Variants in CA10 observed in about 807,000 individuals in gnomAD.
The protein encoded by CA10 is carbonic anhydrase-related protein 10.
Under a neutral mutation model 44.2 loss-of-function variants are expected in CA10, and 14 were observed. The observed-to-expected ratio is 0.32, with a 90% CI of 0.21 to 0.50. The LOEUF (loss-of-function observed/expected upper bound fraction) is 0.50, where lower values mean the gene tolerates loss of function less well. Ranked by LOEUF, CA10 falls within the 20% of genes least tolerant of loss-of-function variation. The pLI is 0.99. For synonymous variants in CA10, 159 were observed against 141.6 expected (o/e 1.12, Z -0.87); for missense variants, 350 against 409.7 (o/e 0.85, Z 1.26).
chr17:51,916,132 G>A (rs1257398832), intron 3 of CA10, among the ~76,000 whole-genome samples: 2 of 28,366 alleles, frequency 7.1e-5, no homozygotes, highest in Admixed American at 4.6e-4. Context: ...TGCATGCTAC[G>A]CTGCTGGAAA....
intron 3 of CA10, among the ~76,000 whole-genome samples, chr17:51,766,053 T>C (rs762537177): frequency 1.4e-4 from 22 of 152,084 alleles, no homozygotes; most frequent in Non-Finnish European, 2.6e-4. Flanking sequence ...TGCTCGGAAG[T>C]AAGCAATGGT....
intron 2 of CA10, among the ~76,000 whole-genome samples, chr17:51,935,099 C>T (rs907888185): frequency 3.9e-5 from 6 of 152,106 alleles, no homozygotes; most frequent in Admixed American, 2.6e-4. Context: ...ATCCAAGGTT[C>T]TGATACTTAA....
At chr17:51,764,706 C>T (rs576073862) in intron 3 of CA10, among the ~76,000 whole-genome samples, 43 of 152,296 alleles carry the variant, frequency 2.8e-4, no homozygotes, top group African/African-American at 9.4e-4. Flanking sequence ...AGAATCGACC[C>T]TGAGGATGCT....
chr17:51,888,376 C>A (rs1980707781), intron 3 of CA10, among the ~76,000 whole-genome samples: 1 of 152,154 alleles, frequency 6.6e-6, no homozygotes, highest in South Asian at 2.1e-4. Flanking sequence ...AAGCGGTACA[C>A]CATGCCATTG....
At chr17:52,087,164 A>C (rs1173735045) in intron 1 of CA10, among the ~76,000 whole-genome samples, 1 of 152,170 alleles carries the variant, frequency 6.6e-6, no homozygotes, top group Non-Finnish European at 1.5e-5. Context: ...TTTTTGAGAC[A>C]AAGTCTTGCT....
intron 3 of CA10, among the ~76,000 whole-genome samples, chr17:51,886,034 G>A (rs1397543705): frequency 1.3e-5 from 2 of 152,216 alleles, no homozygotes; most frequent in Admixed American, 1.3e-4. Flanking sequence ...AGAGAGTGCA[G>A]AGAGATTAGC....
intron 3 of CA10, among the ~76,000 whole-genome samples, chr17:51,906,322 C>T (rs1334469348): frequency 6.6e-6 from 1 of 152,070 alleles, no homozygotes; most frequent in Non-Finnish European, 1.5e-5. Flanking sequence ...TCAATGATTT[C>T]TGTCTTGCTA....
intron 4 of CA10, among the ~76,000 whole-genome samples, chr17:51,723,122 G>A (rs902208588): frequency 6.6e-6 from 1 of 152,200 alleles, no homozygotes; most frequent in African/African-American, 2.4e-5. Flanking sequence ...GATGCTGCCT[G>A]CTTCCCATGT....
chr17:51,787,860 A>C (rs984177525), intron 3 of CA10, among the ~76,000 whole-genome samples: 8 of 151,858 alleles, frequency 5.3e-5, no homozygotes, highest in African/African-American at 1.9e-4. Context: ...TTTTTTTCTT[A>C]GTCTGCCTAG....
At chr17:51,854,533 T>C (rs1040981413) in intron 3 of CA10, among the ~76,000 whole-genome samples, 4 of 152,108 alleles carry the variant, frequency 2.6e-5, no homozygotes, top group Non-Finnish European at 5.9e-5. Context: ...GGAACTTGGA[T>C]GAAGAGATGA....
At chr17:51,754,335 T>C (rs1598028211) in intron 3 of CA10, among the ~76,000 whole-genome samples, 2 of 144,246 alleles carry the variant, frequency 1.4e-5, no homozygotes, top group South Asian at 4.5e-4. Flanking sequence ...TATATATGTA[T>C]AAAGACGGGT....
At chr17:51,922,026 A>G (rs1982254399) in intron 3 of CA10, among the ~76,000 whole-genome samples, 1 of 152,166 alleles carries the variant, frequency 6.6e-6, no homozygotes, top group African/African-American at 2.4e-5. Context: ...ACTGGGAGTT[A>G]TGTTTTCTTG....
At chr17:52,057,791 CATT>C (rs1374113937) in intron 2 of CA10, among the ~76,000 whole-genome samples, 1 of 152,038 alleles carries the variant, frequency 6.6e-6, no homozygotes. Flanking sequence ...TGGTGGGTTT[CATT>C]ATTATTATTA....
At chr17:51,886,252 G>A (rs569298539) in intron 3 of CA10, among the ~76,000 whole-genome samples, 30 of 152,202 alleles carry the variant, frequency 2.0e-4, no homozygotes, top group African/African-American at 6.7e-4. Flanking sequence ...TAGATGAGAA[G>A]GAGTGGCTAT....
At chr17:52,106,557 C>T (rs1331665075) in intron 1 of CA10, among the ~76,000 whole-genome samples, 1 of 152,060 alleles carries the variant, frequency 6.6e-6, no homozygotes, top group Non-Finnish European at 1.5e-5. Context: ...GCCTGTCTTC[C>T]ACCTGATGGC....
At chr17:52,000,063 T>A (rs1349904452) in intron 2 of CA10, among the ~76,000 whole-genome samples, 2 of 152,096 alleles carry the variant, frequency 1.3e-5, no homozygotes. Flanking sequence ...TAAGGGTTTT[T>A]TCTTTCTGTT....
intron 1 of CA10, among the ~76,000 whole-genome samples, chr17:52,152,690 T>G (rs2970051): frequency 0.23 from 35,581 of 152,016 alleles, 4,737 homozygotes; most frequent in East Asian, 0.41. Flanking sequence ...CTAAACTATG[T>G]GTATGTATCT....
chr17:51,725,496 C>T (rs531534125), intron 4 of CA10, among the ~76,000 whole-genome samples: 41 of 152,336 alleles, frequency 2.7e-4, no homozygotes, highest in African/African-American at 9.4e-4. Context: ...CAGTAACCCT[C>T]TCTGTGGCAG....
chr17:51,762,992 A>G (rs535614786), intron 3 of CA10: 1 of 152,094 alleles, frequency 6.6e-6, no homozygotes, highest in South Asian at 2.1e-4. Flanking sequence ...CTCCCACCGC[A>G]CCTCTTTCAA....
Sources: allele counts gnomAD v4.1 joint callset (sites outside exome capture counted in the v4.1 genomes callset), GRCh38; gene constraint gnomAD v4.1.1; transcripts MANE v1.5; gene names NCBI Gene and HGNC (gene_info 2026-07-23, HGNC 2026-07-21).